The following ATXN10 variants were observed in gnomAD, a reference collection of about 807,000 sequenced individuals.
ATXN10 encodes ataxin 10.
Under a neutral mutation model 52.9 loss-of-function variants are expected in ATXN10, and 28 were observed. The observed-to-expected ratio is 0.53, with a 90% confidence interval of 0.39 to 0.73. The LOEUF (loss-of-function observed/expected upper bound fraction) is 0.73, where lower values mean the gene tolerates loss of function less well. Ranked by LOEUF, ATXN10 falls within the 30% of genes least tolerant of loss-of-function variation. ATXN10 has a pLI of 0.00. For missense variants in ATXN10, 565 were observed against 577.0 expected (o/e 0.98, Z 0.21); for synonymous variants, 226 against 221.5 (o/e 1.02, Z -0.18).
rs945848882 is a variant in ATXN10, at chr22:45,818,121, C to G, written c.1237+11099C>G. Among the ~76,000 whole-genome samples the G allele has an allele frequency of 6.6e-6, 1 of 152,214 alleles. No individual in the cohort carries two copies. Among genetic ancestry groups the G allele is most frequent in the Non-Finnish European group, 1.5e-5 (1 of 68,044 alleles). Reference sequence around the variant, plus strand: ...GTACAAGTAAATATTCCAAGTTGTGCTCCTTCAGGTTTTGTCTACTCAGCT... The same window carrying G: ...GTACAAGTAAATATTCCAAGTTGTGGTCCTTCAGGTTTTGTCTACTCAGCT... On this transcript the variant is annotated intron_variant, in intron 10 of 11. Coordinates refer to ENST00000252934, the MANE Select transcript of ATXN10 (RefSeq NM_013236.4). The surrounding 1 kb of genome is among the most constrained non-coding windows in gnomAD (Gnocchi z 4.6).
chr22:45,681,855 C>G lies in ATXN10; in HGVS notation c.117-7857C>G, dbSNP rs1418723265. Among the ~76,000 whole-genome samples, 1 of 152,178 alleles carries G rather than the reference C, an allele frequency of 6.6e-6. No homozygotes were observed. The highest frequency in any genetic ancestry group is 2.1e-4 in the South Asian group (1 of 4,828). ...CCATCCCATCTCCCTCATCCTCACT[C>G]TCAGCTCTCTGAAAATAGGAGCAAC... On this transcript the variant is annotated intron_variant, in intron 1 of 11. Coordinates refer to ENST00000252934, the MANE Select transcript of ATXN10 (RefSeq NM_013236.4). This position sits in a 1 kb window ranked among gnomAD's most constrained non-coding sequence, Gnocchi z 4.2.
At position 45,772,174 on chromosome 22, in the gene ATXN10, A is replaced by G. The variant is rs542661445; in HGVS notation, c.1173+31636A>G. Among the ~76,000 whole-genome samples the G allele has an allele frequency of 2.0e-5, 3 of 152,268 alleles. No homozygotes were observed. Among genetic ancestry groups the G allele is most frequent in the South Asian group, 4.1e-4 (2 of 4,830 alleles). The stretch of plus-strand genomic sequence containing the variant: ...AATTCAGAATCACAAGAATTTTCTC[A>G]TAGTTTTTCTTCCTAAAATTTTGTA... On this transcript the variant is annotated intron_variant, in intron 9 of 11. Coordinates refer to ENST00000252934, the MANE Select transcript of ATXN10 (RefSeq NM_013236.4). The surrounding 1 kb of genome is among the most constrained non-coding windows in gnomAD (Gnocchi z 4.1).
chr22:45,833,366 G>A lies in ATXN10; in HGVS notation c.1238-9625G>A, dbSNP rs1929054709. 6.6e-6 allele frequency among the ~76,000 whole-genome samples: 1 copy of A among 152,212 alleles called. No individual in the cohort carries two copies. The highest frequency in any genetic ancestry group is 1.9e-4 in the East Asian group (1 of 5,200). ...AGTGCTACCAGATGCCCAGACACTG[G>A]TGTGTACAGCATAAGAGCGCTCCTT... On this transcript the variant is annotated intron_variant, in intron 10 of 11. Coordinates refer to ENST00000252934, the MANE Select transcript of ATXN10 (RefSeq NM_013236.4). This position sits in a 1 kb window ranked among gnomAD's most constrained non-coding sequence, Gnocchi z 4.3.
intron 10 of ATXN10, among the ~76,000 whole-genome samples, chr22:45,815,723 T>G (rs570414417): frequency 6.6e-6 from 1 of 152,172 alleles, no homozygotes; most frequent in South Asian, 2.1e-4. Flanking sequence ...TGGTCCAAGC[T>G]CTCCTGGCTT....
rs1926075697 is a variant in ATXN10 at position 45,753,718 on chromosome 22, T to G, written c.1173+13180T>G. The stretch of plus-strand genomic sequence containing the variant: ...CACTGCGCCCATCTCAGTTTTTATA[T>G]TAATATAATTTCTTGACTTGGGATT... On this transcript the variant is annotated intron_variant, in intron 9 of 11. Transcript: ENST00000252934. Among the ~76,000 whole-genome samples, 7 of 152,134 alleles carry G rather than the reference T, an allele frequency of 4.6e-5. No individual in the cohort carries two copies. In the South Asian group the frequency reaches 1.2e-3, roughly 27 times the overall value.
At chr22:45,782,133 A>G (rs1451663577) in intron 9 of ATXN10, among the ~76,000 whole-genome samples, 1 of 152,236 alleles carries the variant, frequency 6.6e-6, no homozygotes, top group East Asian at 1.9e-4. Context: ...GGAAATTTTC[A>G]TGATCCTATT....
At position 45,774,087 on chromosome 22, in the gene ATXN10, G is replaced by C. The variant is rs919737198; in HGVS notation, c.1174-32872G>C. ...CAGAAAGAACCATTTGATGCCATGTGCTTCAGCCAGCACCATTTCAGCATG... is the reference window on the plus strand; with the variant it reads ...CAGAAAGAACCATTTGATGCCATGTCCTTCAGCCAGCACCATTTCAGCATG... On this transcript the variant is annotated intron_variant, in intron 9 of 11. Coordinates refer to ENST00000252934, the MANE Select transcript of ATXN10 (RefSeq NM_013236.4). This position sits in a 1 kb window ranked among gnomAD's most constrained non-coding sequence, Gnocchi z 6.2. 2.0e-5 allele frequency among the ~76,000 whole-genome samples: 3 copies of C among 152,224 alleles called. No homozygotes were observed. Among genetic ancestry groups the C allele is most frequent in the African/African-American group, 7.2e-5 (3 of 41,460 alleles).
chr22:45,753,219 A>T (rs1399392563), intron 9 of ATXN10, among the ~76,000 whole-genome samples: 2 of 141,470 alleles, frequency 1.4e-5, no homozygotes, highest in South Asian at 2.3e-4. Context: ...TTTCCCAGTG[A>T]TTTTTTTTTT....
chr22:45,729,661 T>C, intron 7 of ATXN10, 71 bp downstream of exon 7: 2 of 1,514,276 alleles, frequency 1.3e-6, no homozygotes, highest in Non-Finnish European at 1.8e-6. Flanking sequence ...CCAAGTCCTG[T>C]ATGAGAATTC....
At chr22:45,742,377 A>G (rs1472322861) in intron 9 of ATXN10, among the ~76,000 whole-genome samples, 3 of 152,184 alleles carry the variant, frequency 2.0e-5, no homozygotes, top group Non-Finnish European at 4.4e-5. Context: ...CTTAGCAGAC[A>G]AGGATTTTAA....
At chr22:45,821,284 G>A (rs181838741) in intron 10 of ATXN10, among the ~76,000 whole-genome samples, 423 of 151,662 alleles carry the variant, frequency 2.8e-3, no homozygotes, top group Non-Finnish European at 4.9e-3. Flanking sequence ...GGCTGAGGCA[G>A]GAGGATCGCT....
intron 10 of ATXN10, among the ~76,000 whole-genome samples, chr22:45,812,389 G>T (rs1039485881): frequency 1.3e-5 from 2 of 152,112 alleles, no homozygotes; most frequent in Non-Finnish European, 2.9e-5. Flanking sequence ...TACCTGAATG[G>T]GAAAAGGAAT....
intron 10 of ATXN10, among the ~76,000 whole-genome samples, chr22:45,822,523 ATTTTTTTT>A (rs763159693): frequency 1.9e-3 from 186 of 96,614 alleles, no homozygotes; most frequent in African/African-American, 8.2e-3. Context: ...AATTTCTCCA[ATTTTTTTT>A]TTTTTTTTTT....
Position 45,810,450 on chromosome 22 carries a change from G to A in ATXN10, c.1237+3428G>A, listed in dbSNP as rs145181480. 1.4e-4 allele frequency among the ~76,000 whole-genome samples: 21 copies of A among 152,232 alleles called. No individual in the cohort carries two copies. The East Asian group carries it at 3.9e-3, about 28-fold the overall frequency. ...CAGTATAAATTCTACACATTTGGTC[G>A]TGTGCACATGCACATACATGTATAT... On this transcript the variant is annotated intron_variant, in intron 10 of 11. Transcript: ENST00000252934.
At chr22:45,751,739 GGAA>G (rs1244784135) in intron 9 of ATXN10, among the ~76,000 whole-genome samples, 398 of 14,100 alleles carry the variant, frequency 0.028, 6 homozygotes, top group African/African-American at 0.11. Flanking sequence ...ACCTTTTTCT[GGAA>G]AAAAAAAAAA....
intron 9 of ATXN10, among the ~76,000 whole-genome samples, chr22:45,801,428 A>G (rs765024118): frequency 7.2e-5 from 11 of 152,242 alleles, no homozygotes; most frequent in South Asian, 2.1e-4. Context: ...CTGCCCAGGC[A>G]TTGTGGACAA....
rs1319604423 is a variant in ATXN10 at position 45,805,253 on chromosome 22, T to C, written c.1174-1706T>C. On this transcript the variant is annotated intron_variant, in intron 9 of 11. Transcript: ENST00000252934. This position sits in a 1 kb window ranked among gnomAD's most constrained non-coding sequence, Gnocchi z 4.4. ...AGATGCTGGAACCCTCATAAATTGC[T>C]GGGTGAAAATGTAAAATACTGTAAA... 6.6e-6 allele frequency among the ~76,000 whole-genome samples: 1 copy of C among 152,194 alleles called. No individual in the cohort carries two copies. Among genetic ancestry groups the C allele is most frequent in the Non-Finnish European group, 1.5e-5 (1 of 68,022 alleles).
Position 45,843,225 on chromosome 22 carries a change from C to G in ATXN10, c.1425+47C>G. The G allele has an allele frequency of 6.3e-7, 1 of 1,585,748 alleles. No individual in the cohort carries two copies. Among genetic ancestry groups the G allele is most frequent in the Non-Finnish European group, 8.7e-7 (1 of 1,155,152 alleles). On this transcript the variant is annotated intron_variant, in intron 11 of 11. Transcript: ENST00000252934. This position sits in a 1 kb window ranked among gnomAD's most constrained non-coding sequence, Gnocchi z 4.5. ...GTCCTTCCCTTTGGTTTGTAGAAAG[C>G]TGTTTCCACTTCCCCATTGCTTCAA...
chr22:45,839,319 C>G (rs1929269178), intron 10 of ATXN10, among the ~76,000 whole-genome samples: 3 of 152,220 alleles, frequency 2.0e-5, no homozygotes, highest in South Asian at 2.1e-4. Flanking sequence ...AGTGTTTCTT[C>G]TATTAGGTTG....
Sources: allele counts gnomAD v4.1 joint callset (sites outside exome capture counted in the v4.1 genomes callset), GRCh38; gene constraint gnomAD v4.1.1; non-coding constraint Gnocchi (gnomAD v3.1); transcripts MANE v1.5; gene names NCBI Gene and HGNC (gene_info 2026-07-23, HGNC 2026-07-21).